The following ARIH2 variants were observed in gnomAD, a reference collection of about 807,000 sequenced individuals.
ARIH2 encodes the protein ariadne RBR E3 ubiquitin protein ligase 2.
In ARIH2, 12 loss-of-function variants were observed where a neutral mutation model predicts 79.8. The observed-to-expected ratio is 0.15, with a 90% CI of 0.10 to 0.24. ARIH2 has a LOEUF of 0.24. Among genes scored for constraint, ARIH2 ranks in the 10% least tolerant of loss-of-function variants. The probability of loss-of-function intolerance (pLI) is 1.00; values close to 1 mark genes in which losing one functional copy is unlikely to be tolerated. For synonymous variants in ARIH2, 224 were observed against 213.9 expected, an observed-to-expected ratio of 1.05 and a Z score of -0.41; for missense variants, 301 against 618.3, an observed-to-expected ratio of 0.49 and a Z score of 5.44.
At chr3:48,969,384 G>C (rs1183572469) in intron 7 of ARIH2, among the ~76,000 whole-genome samples, 1 of 151,992 alleles carries the variant, frequency 6.6e-6, no homozygotes, top group Non-Finnish European at 1.5e-5. Context: ...TGGAAAACTT[G>C]TCCAGGATTC....
At chr3:48,947,212 G>C (rs551636755) in intron 3 of ARIH2, among the ~76,000 whole-genome samples, 21 of 152,248 alleles carry the variant, frequency 1.4e-4, no homozygotes, top group Admixed American at 1.2e-3. Flanking sequence ...AGGCCGAGGC[G>C]GGGGGATCAC....
chr3:48,944,878 C>T (rs757025487), intron 3 of ARIH2: 13 of 344,018 alleles, frequency 3.8e-5, no homozygotes, highest in Non-Finnish European at 6.9e-5. Context: ...CTGTCTTGAT[C>T]TCTTTAGGCT....
intron 12 of ARIH2, 110 bp downstream of exon 12, chr3:48,979,743 CAGTGAATGG>C: frequency 1.6e-6 from 2 of 1,212,316 alleles, no homozygotes; most frequent in Non-Finnish European, 2.3e-6. Context: ...ACATAGAAGT[CAGTGAATGG>C]AGCTCCTGCA....
chr3:48,932,352 C>T (rs2086491281), intron 3 of ARIH2, among the ~76,000 whole-genome samples: 2 of 152,204 alleles, frequency 1.3e-5, no homozygotes, highest in African/African-American at 4.8e-5. Flanking sequence ...GAGGGGATCT[C>T]TGGGGAATAA....
At chr3:48,975,964 G>A (rs907454345) in intron 11 of ARIH2, among the ~76,000 whole-genome samples, 20 of 151,990 alleles carry the variant, frequency 1.3e-4, no homozygotes, top group Non-Finnish European at 2.8e-4. Flanking sequence ...AGGCTGGAGT[G>A]CAGTGGTGTG....
At chr3:48,956,574 G>A (rs1034191608) in intron 3 of ARIH2, among the ~76,000 whole-genome samples, 1 of 149,880 alleles carries the variant, frequency 6.7e-6, no homozygotes, top group South Asian at 2.1e-4. Context: ...GGGACCACAG[G>A]CATGAACCAC....
At chr3:48,973,373 C>T (rs369483306) in intron 8 of ARIH2, among the ~76,000 whole-genome samples, 6 of 152,138 alleles carry the variant, frequency 3.9e-5, no homozygotes, top group Admixed American at 2.6e-4. Context: ...GTCAGGAGAT[C>T]GAGACCATCC....
chr3:48,930,221 C>T (rs1479114907), intron 3 of ARIH2, among the ~76,000 whole-genome samples: 1 of 152,068 alleles, frequency 6.6e-6, no homozygotes, highest in East Asian at 1.9e-4. Flanking sequence ...AAGCAGCTTG[C>T]TTAAGAGTAA....
At chr3:48,945,334 C>G (rs2088964491) in intron 3 of ARIH2, among the ~76,000 whole-genome samples, 1 of 152,318 alleles carries the variant, frequency 6.6e-6, no homozygotes, top group East Asian at 1.9e-4. Context: ...AAAGAAGCCA[C>G]TGATCACGTT....
Position 48,967,123 on chromosome 3 carries a change from A to G in ARIH2, c.388-2A>G. ...GGCTCATGTGGCTCTGTTTCTCTCC[A>G]GGTTCCCACATCCCATCCCCCTCAC... On this transcript the variant is annotated splice_acceptor_variant, in intron 5 of 15. Coordinates refer to ENST00000356401, the MANE Select transcript of ARIH2 (RefSeq NM_006321.4). LOFTEE classifies it high-confidence loss of function. 6.2e-7 allele frequency: 1 copy of G among 1,613,246 alleles called. No individual in the cohort carries two copies. The highest frequency in any genetic ancestry group is 8.5e-7 in the Non-Finnish European group (1 of 1,179,524).
rs201739872 is a variant in ARIH2 at position 48,983,606 on chromosome 3, C to A, written c.*336C>A. The stretch of plus-strand genomic sequence containing the variant: ...AACTTTCAAAGGTTGTACAATTATA[C>A]AAAAAAAAAAAAAAGGCAAACTATA... On this transcript the variant is annotated 3_prime_UTR_variant, in exon 16 of 16. Transcript: ENST00000356401. 7.4e-3 allele frequency: 1,120 copies of A among 151,246 alleles called. No individual in the cohort carries two copies. The highest frequency in any genetic ancestry group is 0.018 in the South Asian group (102 of 5,628). The allele number at this position is 151,246 out of a possible 1,614,324, so 9.4% of individuals were successfully genotyped here. A position where few individuals can be genotyped will look rare whatever the true frequency, so the allele number is the denominator to read the frequency against.
At chr3:48,943,163 T>C (rs1393455290) in intron 3 of ARIH2, 1 of 152,228 alleles carries the variant, frequency 6.6e-6, no homozygotes, top group Non-Finnish European at 1.5e-5. Context: ...GTTTTTCTGA[T>C]ACATCCACTA....
chr3:48,946,766 C>T (rs1463416152), intron 3 of ARIH2, among the ~76,000 whole-genome samples: 1 of 152,050 alleles, frequency 6.6e-6, no homozygotes, highest in Non-Finnish European at 1.5e-5. Flanking sequence ...GTTTGGAGGA[C>T]TCAGGGAAAG....
chr3:48,921,907 A>G (rs2084884460), intron 1 of ARIH2, among the ~76,000 whole-genome samples: 1 of 152,092 alleles, frequency 6.6e-6, no homozygotes, highest in African/African-American at 2.4e-5. Context: ...ATGCACCACC[A>G]CGACATTTAT....
At chr3:48,975,663 C>G (rs1460756751) in intron 11 of ARIH2, among the ~76,000 whole-genome samples, 4 of 144,590 alleles carry the variant, frequency 2.8e-5, no homozygotes, top group Admixed American at 2.8e-4. Flanking sequence ...CTCCTGGGTT[C>G]AAGCAGTTCT....
intron 11 of ARIH2, among the ~76,000 whole-genome samples, chr3:48,978,231 CAAT>C (rs918414803): frequency 3.3e-5 from 5 of 149,942 alleles, no homozygotes; most frequent in African/African-American, 2.4e-5. Context: ...GAGCATCTAA[CAAT>C]AATTTTTTGA....
rs1158929356 is a variant in ARIH2, at chr3:48,938,913, CAAAAA to C, written c.255+11122_255+11126del. 9.2e-4 allele frequency among the ~76,000 whole-genome samples: 50 copies of C among 54,418 alleles called. 1 individual carries two copies. Among genetic ancestry groups the C allele is most frequent in the African/African-American group, 2.8e-3 (39 of 13,798 alleles). The allele number at this position is 54,418 out of a possible 152,430, so 35.7% of individuals were successfully genotyped here. On this transcript the variant is annotated intron_variant, in intron 3 of 15. Coordinates refer to ENST00000356401, the MANE Select transcript of ARIH2 (RefSeq NM_006321.4). The stretch of plus-strand genomic sequence containing the variant: ...CCCTGTCCCCACTGGGTCTTTAGAC[CAAAAA>C]AAAAAAAAAAAAAAAAAAAAACCAA...
chr3:48,945,904 CT>C (rs950995964), intron 3 of ARIH2, among the ~76,000 whole-genome samples: 4 of 152,182 alleles, frequency 2.6e-5, no homozygotes, highest in Non-Finnish European at 5.9e-5. Flanking sequence ...AATTGCCTTA[CT>C]TAAGATCCTG....
At chr3:48,939,010 C>T (rs756274212) in intron 3 of ARIH2, among the ~76,000 whole-genome samples, 19 of 151,778 alleles carry the variant, frequency 1.3e-4, no homozygotes, top group Admixed American at 3.9e-4. Context: ...GCTCGTCCCC[C>T]AGGCTGGAGT....
Sources: allele counts gnomAD v4.1 joint callset (sites outside exome capture counted in the v4.1 genomes callset), GRCh38; gene constraint gnomAD v4.1.1; transcripts MANE v1.5; gene names NCBI Gene and HGNC (gene_info 2026-07-23, HGNC 2026-07-21).